The following CFAP47 variants were observed in gnomAD, a reference collection of about 807,000 sequenced individuals.
CFAP47 encodes cilia- and flagella-associated protein 47.
A neutral mutation model predicts 148.1 loss-of-function variants in CFAP47; 29 were observed. The observed-to-expected ratio is 0.20, with a 90% confidence interval of 0.15 to 0.27. The LOEUF is 0.27. CFAP47 is among the 10% of genes least tolerant of loss of function. CFAP47 has a pLI of 1.00. For missense variants in CFAP47, 1,872 were observed against 1,697.5 expected (o/e 1.10, Z -1.81); for synonymous variants, 664 against 577.3 (o/e 1.15, Z -2.15).
At chrX:36,123,082 A>G (rs114855275) in intron 33 of CFAP47, among the ~76,000 whole-genome samples, 2,019 of 112,016 alleles carry the variant, frequency 0.018, 37 homozygotes, top group African/African-American at 0.062. Flanking sequence ...GTCTTGGACA[A>G]AATCCAGAGG....
intron 2 of CFAP47, among the ~76,000 whole-genome samples, chrX:35,927,668 G>GC (rs1190376007): frequency 9.1e-6 from 1 of 109,479 alleles, no homozygotes. Context: ...TTTATCACCT[G>GC]CGTAGGTTCT....
intron 2 of CFAP47, among the ~76,000 whole-genome samples, chrX:35,928,661 G>C (rs574410416): frequency 9.1e-6 from 1 of 109,409 alleles, no homozygotes; most frequent in Non-Finnish European, 1.9e-5. Flanking sequence ...TTTTTTAAAC[G>C]TTCAATGATG....
chrX:36,021,987 C>T (rs981433815), intron 22 of CFAP47: 6 of 111,355 alleles, frequency 5.4e-5, no homozygotes, highest in African/African-American at 2.0e-4. Context: ...TTTGCAGGGG[C>T]CATGCTAATC....
At chrX:36,380,207 A>G (rs6632597) in intron 63 of CFAP47, among the ~76,000 whole-genome samples, 35,064 of 111,594 alleles carry the variant, frequency 0.31, 6,767 homozygotes, top group African/African-American at 0.73. Flanking sequence ...GCATGTTGTC[A>G]TATACACACA....
chrX:36,235,828 T>C (rs1386867605), intron 46 of CFAP47, 106 bp from the exon 47 acceptor site: 3 of 355,268 alleles, frequency 8.4e-6, no homozygotes, highest in Non-Finnish European at 1.5e-5. Flanking sequence ...GGAAATACAA[T>C]TAAAAATACA....
At chrX:35,948,787 G>GTA (rs369922668) in intron 4 of CFAP47, among the ~76,000 whole-genome samples, 1 of 77,077 alleles carries the variant, frequency 1.3e-5, no homozygotes, top group African/African-American at 6.2e-5. Flanking sequence ...GTGATTTGGG[G>GTA]TGTGTGTGTG....
intron 39 of CFAP47, among the ~76,000 whole-genome samples, chrX:36,166,890 A>T (rs1395963066): frequency 1.8e-5 from 2 of 111,439 alleles, no homozygotes; most frequent in African/African-American, 6.5e-5. Flanking sequence ...CATGCCCACA[A>T]TTACCCTGGG....
intron 39 of CFAP47, among the ~76,000 whole-genome samples, chrX:36,160,979 C>T (rs1313989296): frequency 9.2e-6 from 1 of 108,617 alleles, no homozygotes; most frequent in Admixed American, 9.9e-5. Context: ...TCCCAAGTAG[C>T]TGGGACTACA....
intron 49 of CFAP47, among the ~76,000 whole-genome samples, chrX:36,279,696 CTTTTGTTTTTTTGTTTTG>C (rs1388492767): frequency 9.0e-6 from 1 of 110,939 alleles, no homozygotes; most frequent in African/African-American, 3.3e-5. Flanking sequence ...ATAGTAATAA[CTTTTGTTTTTTTGTTTTG>C]TTTTGTTTTT....
chrX:36,160,115 G>C (rs1939412093), intron 38 of CFAP47, among the ~76,000 whole-genome samples: 1 of 111,717 alleles, frequency 9.0e-6, no homozygotes, highest in Non-Finnish European at 1.9e-5. Context: ...TGCAGGGCAA[G>C]AGTGGTAAGC....
chrX:36,049,795 T>C (rs891666957), intron 26 of CFAP47, among the ~76,000 whole-genome samples: 4 of 111,821 alleles, frequency 3.6e-5, no homozygotes, highest in Admixed American at 1.9e-4. Flanking sequence ...TAGTGTCTCA[T>C]ACAGTTTGGC....
intron 25 of CFAP47, among the ~76,000 whole-genome samples, chrX:36,043,201 A>G (rs1415294677): frequency 8.9e-6 from 1 of 112,171 alleles, no homozygotes; most frequent in African/African-American, 3.2e-5. Context: ...AGTATTAAAA[A>G]CATTTAAGTA....
chrX:36,233,693 C>G (rs1190173516), intron 46 of CFAP47, among the ~76,000 whole-genome samples: 1 of 111,480 alleles, frequency 9.0e-6, no homozygotes, highest in East Asian at 2.8e-4. Context: ...TTAGTTGATG[C>G]AGTTTCTTCC....
chrX:36,146,501 T>C (rs967110285), intron 36 of CFAP47, among the ~76,000 whole-genome samples: 2 of 111,982 alleles, frequency 1.8e-5, no homozygotes, highest in Non-Finnish European at 3.8e-5. Context: ...CCTTTCATTT[T>C]TCACAATGTA....
At chrX:36,353,416 T>C in intron 59 of CFAP47, 113 bp from the exon 60 acceptor site, 1 of 615,795 alleles carries the variant, frequency 1.6e-6, no homozygotes, top group East Asian at 3.8e-5. Context: ...CAATGACAAG[T>C]CAAAGTATAT....
At chrX:36,359,899 C>T (rs969986281) in intron 60 of CFAP47, among the ~76,000 whole-genome samples, 6 of 110,830 alleles carry the variant, frequency 5.4e-5, no homozygotes, top group East Asian at 5.7e-4. Context: ...TACAGGTGCC[C>T]GCCACCATGC....
chrX:36,138,593 C>T, intron 35 of CFAP47, 129 bp downstream of exon 35: 1 of 698,596 alleles, frequency 1.4e-6, no homozygotes. Context: ...TGAGACATTG[C>T]TAAAATGTAG....
chrX:36,216,233 A>G (rs1223679644), intron 45 of CFAP47, among the ~76,000 whole-genome samples: 1 of 112,369 alleles, frequency 8.9e-6, no homozygotes, highest in Non-Finnish European at 1.9e-5. Flanking sequence ...CCTCAGTTGT[A>G]GTATTGTTAT....
intron 22 of CFAP47, among the ~76,000 whole-genome samples, chrX:36,019,352 G>C (rs1233639828): frequency 8.9e-6 from 1 of 111,968 alleles, no homozygotes; most frequent in South Asian, 3.7e-4. Flanking sequence ...AAGCAAACAC[G>C]ATTTGCAGGT....
Sources: gnomAD v4.1 joint callset for allele counts (sites outside exome capture counted in the v4.1 genomes callset) on GRCh38, gnomAD v4.1.1 for gene constraint, MANE v1.5 for transcripts, NCBI Gene and HGNC (gene_info 2026-07-23, HGNC 2026-07-21) for gene names.